TP63: variants seen among roughly 807,000 people sequenced by gnomAD.
TP63 encodes tumor protein 63.
A neutral mutation model predicts 82.8 loss-of-function variants in TP63; 17 were observed. The ratio of observed to expected loss-of-function variants is 0.21; its 90% CI spans 0.14 to 0.31. TP63 has a LOEUF of 0.31. Among genes scored for constraint, TP63 ranks in the 10% least tolerant of loss-of-function variants. The pLI is 1.00. For missense variants in TP63, 648 were observed against 895.3 expected, an observed-to-expected ratio of 0.72 and a Z score of 3.52; for synonymous variants, 330 against 321.7, an observed-to-expected ratio of 1.03 and a Z score of -0.28.
chr3:189,802,461 C>T (rs912109067), intron 3 of TP63, among the ~76,000 whole-genome samples: 11 of 152,158 alleles, frequency 7.2e-5, no homozygotes, highest in Admixed American at 3.9e-4. Context: ...ATTGTTTTAA[C>T]GTAGCTTCAC....
chr3:189,875,628 A>C, intron 10 of TP63, among the ~76,000 whole-genome samples: 1 of 124,436 alleles, frequency 8.0e-6, no homozygotes, highest in Non-Finnish European at 1.7e-5. Context: ...ATATATATAT[A>C]TATATATATA....
At chr3:189,832,668 A>G (rs1712539467) in intron 4 of TP63, among the ~76,000 whole-genome samples, 1 of 152,178 alleles carries the variant, frequency 6.6e-6, no homozygotes, top group East Asian at 1.9e-4. Flanking sequence ...TAGATGATAG[A>G]GATAAAACTG....
At chr3:189,748,534 G>T (rs908147314) in intron 3 of TP63, among the ~76,000 whole-genome samples, 5 of 103,514 alleles carry the variant, frequency 4.8e-5, no homozygotes, top group Non-Finnish European at 1.0e-4. Context: ...AAAAAAAAAA[G>T]GCGGGGGACA....
the TP63 span, among the ~76,000 whole-genome samples, chr3:189,617,707 A>C: frequency 2.0e-5 from 3 of 152,178 alleles, no homozygotes; most frequent in African/African-American, 7.2e-5. Flanking sequence ...CCCTTGGCAT[A>C]GTGAGTAGAG....
chr3:189,825,102 G>A (rs1729200492), intron 4 of TP63, among the ~76,000 whole-genome samples: 1 of 152,154 alleles, frequency 6.6e-6, no homozygotes, highest in Admixed American at 6.5e-5. Context: ...CTTGTAATAG[G>A]CAAGATGTAG....
intron 1 of TP63, among the ~76,000 whole-genome samples, chr3:189,669,064 A>G (rs970371983): frequency 1.3e-5 from 2 of 152,064 alleles, no homozygotes; most frequent in Non-Finnish European, 2.9e-5. Flanking sequence ...CAGAAAAAAC[A>G]ATTATTCAGG....
intron 4 of TP63, among the ~76,000 whole-genome samples, chr3:189,834,408 A>AT (rs1712816629): frequency 6.6e-6 from 1 of 152,180 alleles, no homozygotes; most frequent in Non-Finnish European, 1.5e-5. Context: ...GAAAACATAG[A>AT]TTCTTATGCT....
chr3:189,720,768 G>C (rs1719329724), intron 1 of TP63, among the ~76,000 whole-genome samples: 1 of 149,562 alleles, frequency 6.7e-6, no homozygotes, highest in Non-Finnish European at 1.5e-5. Context: ...GAAGAAGACT[G>C]GAGGCTGGCA....
At chr3:189,612,623 C>G in the TP63 span, among the ~76,000 whole-genome samples, 12 of 152,108 alleles carry the variant, frequency 7.9e-5, no homozygotes, top group Non-Finnish European at 1.6e-4. Context: ...GACTTTGGAA[C>G]TGGGTAAGAG....
chr3:189,864,345 C>T lies in TP63; in HGVS notation c.693C>T (p.Tyr231=), dbSNP rs781222924. The T allele has an allele frequency of 2.5e-6, 4 of 1,614,068 alleles. No homozygotes were observed. Among genetic ancestry groups the T allele is most frequent in the Non-Finnish European group, 2.5e-6 (3 of 1,180,004 alleles). Residue 231 remains tyrosine (Y), a synonymous_variant, in exon 5 of 14, where the codon TAC becomes TAT. Coordinates refer to ENST00000264731, the MANE Select transcript of TP63 (RefSeq NM_003722.5). ...QGAVIRAMPV[Y]KKAEHVTEVV... ...CTGTTATCCGCGCCATGCCTGTCTA[C>T]AAAAAAGCTGAGCACGTCACGGAGG... is the stretch of plus-strand genomic sequence containing the variant.
chr3:189,674,082 A>T (rs1715173745), intron 1 of TP63, among the ~76,000 whole-genome samples: 1 of 152,150 alleles, frequency 6.6e-6, no homozygotes, highest in Non-Finnish European at 1.5e-5. Context: ...AGGCTTATTT[A>T]GCCTTTTATT....
chr3:189,654,591 C>A (rs1165977456), intron 1 of TP63, among the ~76,000 whole-genome samples: 9 of 151,976 alleles, frequency 5.9e-5, no homozygotes, highest in African/African-American at 2.2e-4. Context: ...CCAATGTTTA[C>A]CTTGGGATAG....
chr3:189,806,820 A>G (rs770341651), intron 3 of TP63, among the ~76,000 whole-genome samples: 2 of 152,204 alleles, frequency 1.3e-5, no homozygotes, highest in Non-Finnish European at 2.9e-5. Flanking sequence ...GACTATTAAC[A>G]TTTAGACAAA....
At chr3:189,630,332 G>A (rs1560070760), upstream of TP63, among the ~76,000 whole-genome samples, 1 of 152,052 alleles carries the variant, frequency 6.6e-6, no homozygotes, top group Non-Finnish European at 1.5e-5. Flanking sequence ...TCCTAACTGA[G>A]CTTCTGAATC....
At chr3:189,801,035 G>A (rs939630313) in intron 3 of TP63, among the ~76,000 whole-genome samples, 13 of 152,044 alleles carry the variant, frequency 8.6e-5, no homozygotes, top group South Asian at 6.2e-4. Context: ...TTAATCACCC[G>A]TTGTTTTAAG....
At position 189,711,048 on chromosome 3, in the gene TP63, A is replaced by G. The variant is rs142495090; in HGVS notation, c.63-26692A>G. Among the ~76,000 whole-genome samples, 7 of 152,276 alleles carry G rather than the reference A, an allele frequency of 4.6e-5. No individual in the cohort carries two copies. In the East Asian group the frequency reaches 1.4e-3, roughly 29 times the overall value. Reference sequence around the variant, plus strand: ...TCTCTGTTCTCTTGGAGAGTTGGGAATAGTATATAGACACATTGGTTACAG... The same window carrying G: ...TCTCTGTTCTCTTGGAGAGTTGGGAGTAGTATATAGACACATTGGTTACAG... On this transcript the variant is annotated intron_variant, in intron 1 of 13. Transcript: ENST00000264731.
intron 1 of TP63, among the ~76,000 whole-genome samples, chr3:189,707,231 C>A (rs551056933): frequency 3.3e-5 from 5 of 152,174 alleles, no homozygotes; most frequent in African/African-American, 1.2e-4. Context: ...TTTTCAAAAT[C>A]TTGCTAAATG....
intron 1 of TP63, among the ~76,000 whole-genome samples, chr3:189,692,966 C>T (rs9830997): frequency 0.015 from 2,251 of 152,154 alleles, 52 homozygotes; most frequent in African/African-American, 0.048. Flanking sequence ...TGTAAATGGA[C>T]GAGTATTATG....
rs74553144 is a variant in TP63, at chr3:189,792,360, G to C, written c.325-15912G>C. Among the ~76,000 whole-genome samples, 478 of 152,184 alleles carry C rather than the reference G, an allele frequency of 3.1e-3. 2 individuals carry two copies. The highest frequency in any genetic ancestry group is 5.7e-3 in the Non-Finnish European group (389 of 67,984). Reference sequence around the variant, plus strand: ...GAATGGTCTCAGACTTGGAGATAGAGAGGGTCAAAATAAAGGAACTTCTTC... The same window carrying C: ...GAATGGTCTCAGACTTGGAGATAGACAGGGTCAAAATAAAGGAACTTCTTC... On this transcript the variant is annotated intron_variant, in intron 3 of 13. Transcript: ENST00000264731.
Sources: allele counts gnomAD v4.1 joint callset (sites outside exome capture counted in the v4.1 genomes callset), GRCh38; gene constraint gnomAD v4.1.1; transcripts MANE v1.5; gene names NCBI Gene and HGNC (gene_info 2026-07-23, HGNC 2026-07-21).